C14orf93: variants seen among roughly 807,000 people sequenced by gnomAD.
C14orf93 encodes the protein chromosome 14 open reading frame 93.
A neutral mutation model predicts 44.0 loss-of-function variants in C14orf93; 23 were observed. The observed-to-expected ratio is 0.52, with a 90% CI of 0.38 to 0.74. C14orf93 has a LOEUF of 0.74. Ranked by LOEUF, C14orf93 falls within the 30% of genes least tolerant of loss-of-function variation. The pLI is 0.00. For synonymous variants in C14orf93, 253 were observed against 265.7 expected (o/e 0.95, Z 0.46); for missense variants, 579 against 678.9 (o/e 0.85, Z 1.64).
intron 3 of C14orf93, among the ~76,000 whole-genome samples, chr14:22,993,575 A>G (rs74039810): frequency 0.043 from 6,550 of 152,294 alleles, 469 homozygotes; most frequent in African/African-American, 0.15. Flanking sequence ...AAGGGGAAAG[A>G]AAAAAGGGAG....
At chr14:23,005,041 A>G (rs1594683546) in intron 1 of C14orf93, 1 of 152,222 alleles carries the variant, frequency 6.6e-6, no homozygotes, top group East Asian at 1.9e-4. Flanking sequence ...ACAAAATGAA[A>G]TCATACTGAG....
At chr14:23,000,148 C>T (rs2046217311) in intron 1 of C14orf93, 2 of 152,092 alleles carry the variant, frequency 1.3e-5, no homozygotes, top group Admixed American at 1.3e-4. Flanking sequence ...AAAGGAGAAA[C>T]CAGAATGTCA....
intron 3 of C14orf93, among the ~76,000 whole-genome samples, chr14:22,994,412 G>T (rs2045846971): frequency 6.6e-6 from 1 of 152,176 alleles, no homozygotes; most frequent in Admixed American, 6.5e-5. Context: ...TCGGGAGGGT[G>T]AGGCAGGAGA....
Position 22,986,727 on chromosome 14 carries a change from G to A in C14orf93, c.*488C>T, listed in dbSNP as rs919534595. ...GTGTTCCCTTGGTCAGAAGACTCAAGCTCATGACTGAAACTGCCCACCAGG... is the reference window on the plus strand; with the variant it reads ...GTGTTCCCTTGGTCAGAAGACTCAAACTCATGACTGAAACTGCCCACCAGG... On this transcript the variant is annotated 3_prime_UTR_variant, in exon 7 of 7. Transcript: ENST00000299088. The A allele has an allele frequency of 3.1e-5, 5 of 162,540 alleles. No individual in the cohort carries two copies. The highest frequency in any genetic ancestry group is 1.2e-4 in the African/African-American group (5 of 41,558). 10.1% of individuals were successfully genotyped at this position (162,540 alleles called of 1,614,324 possible). A position where few individuals can be genotyped will look rare whatever the true frequency, so the allele number is the denominator to read the frequency against.
chr14:23,000,973 T>G (rs1414116055), intron 1 of C14orf93: 1 of 152,190 alleles, frequency 6.6e-6, no homozygotes, highest in Non-Finnish European at 1.5e-5. Context: ...CGCAAAAGCT[T>G]AACTCAAATA....
rs1392285332 is a variant in C14orf93, at chr14:22,998,341, A to G, written c.597+86T>C. Reference sequence around the variant, plus strand: ...TCACAAATACAAACAAAAGGTTTAAAGATGGAAAGAAAAGAACAGAAAGGA... The same window carrying G: ...TCACAAATACAAACAAAAGGTTTAAGGATGGAAAGAAAAGAACAGAAAGGA... On this transcript the variant is annotated intron_variant, in intron 2 of 6. Transcript: ENST00000299088. 4.2e-6 allele frequency: 6 copies of G among 1,423,700 alleles called. No homozygotes were observed. In the East Asian group the frequency reaches 1.5e-4, roughly 36 times the overall value. 88.2% of individuals were successfully genotyped at this position (1,423,700 alleles called of 1,614,324 possible). A position where few individuals can be genotyped will look rare whatever the true frequency, so the allele number is the denominator to read the frequency against.
chr14:22,990,870 G>A (rs2045572938), intron 3 of C14orf93, among the ~76,000 whole-genome samples: 1 of 150,096 alleles, frequency 6.7e-6, no homozygotes, highest in African/African-American at 2.5e-5. Flanking sequence ...CCAGGCTGGA[G>A]TGCAGTGGCA....
chr14:22,998,329 C>A, intron 2 of C14orf93, 98 bp downstream of exon 2: 1 of 1,405,250 alleles, frequency 7.1e-7, no homozygotes, highest in Non-Finnish European at 9.3e-7. Context: ...CAAATACAAA[C>A]AAAAGGTTTA....
intron 1 of C14orf93, chr14:23,005,618 T>C (rs1029337381): frequency 6.6e-6 from 1 of 152,208 alleles, no homozygotes; most frequent in Non-Finnish European, 1.5e-5. Flanking sequence ...TCTTCAATCT[T>C]GGGATGCGTT....
intron 1 of C14orf93, chr14:23,000,230 AG>A (rs1006094714): frequency 1.3e-5 from 2 of 152,292 alleles, no homozygotes; most frequent in African/African-American, 4.8e-5. Context: ...AGAGAAAAAA[AG>A]GGGTAAAGAA....
chr14:23,003,875 TA>T (rs1566696512), intron 1 of C14orf93, among the ~76,000 whole-genome samples: 110 of 14,200 alleles, frequency 7.7e-3, no homozygotes, highest in Non-Finnish European at 0.013. Context: ...TATATATATA[TA>T]TATATATATA....
At chr14:22,999,908 C>G (rs1281338592) in intron 1 of C14orf93, 1 of 152,236 alleles carries the variant, frequency 6.6e-6, no homozygotes, top group Non-Finnish European at 1.5e-5. Context: ...GGGAATTGAG[C>G]TGGGGTAACC....
At chr14:23,007,309 C>G (rs944087719) in intron 1 of C14orf93, among the ~76,000 whole-genome samples, 3 of 152,224 alleles carry the variant, frequency 2.0e-5, no homozygotes, top group Non-Finnish European at 4.4e-5. Context: ...CAGGGAGGGA[C>G]AAGACTGTGA....
chr14:23,003,883 TATATATATATATA>T (rs1302294814), intron 1 of C14orf93, among the ~76,000 whole-genome samples: 258 of 16,998 alleles, frequency 0.015, 3 homozygotes, highest in Non-Finnish European at 0.022. Context: ...TATATATATA[TATATATATATATA>T]TATTTTTTTT....
chr14:23,008,464 A>T (rs1230363833), intron 1 of C14orf93, among the ~76,000 whole-genome samples: 1 of 152,186 alleles, frequency 6.6e-6, no homozygotes, highest in Non-Finnish European at 1.5e-5. Context: ...GTGTAATAGA[A>T]ATGCATTATT....
At chr14:22,988,449 G>A (rs1420817738) in intron 5 of C14orf93, among the ~76,000 whole-genome samples, 5 of 152,094 alleles carry the variant, frequency 3.3e-5, no homozygotes, top group Admixed American at 3.3e-4. Context: ...TCTTGGCATA[G>A]GCATTAGCAT....
intron 1 of C14orf93, among the ~76,000 whole-genome samples, chr14:23,008,274 C>G (rs2046735812): frequency 6.6e-6 from 1 of 151,746 alleles, no homozygotes; most frequent in Non-Finnish European, 1.5e-5. Flanking sequence ...CACAGTCGAG[C>G]CAGTATTTAT....
Position 22,989,779 on chromosome 14 carries a change from C to A in C14orf93, c.1047G>T (p.Val349=). 1 of 1,614,058 alleles carries A rather than the reference C, an allele frequency of 6.2e-7. No homozygotes were observed. Among genetic ancestry groups the A allele is most frequent in the South Asian group, 1.1e-5 (1 of 91,050 alleles). Residue 349 remains valine (V), a synonymous_variant, in exon 5 of 7, where the codon GTG becomes GTT. Transcript: ENST00000299088. ...FLLEKLKQEL[V]TSPHNYTDKE... ...TATCAGTGTAATTGTGGGGACTGGT[C>A]ACCAGCTCTTGCTTGAGCTTTTCCA...
rs1321353370 is a variant in C14orf93, at chr14:22,990,143, G to T, written c.919-16C>A. The T allele has an allele frequency of 7.5e-6, 12 of 1,606,558 alleles. No individual in the cohort carries two copies. Among genetic ancestry groups the T allele is most frequent in the Non-Finnish European group, 9.4e-6 (11 of 1,174,620 alleles). On this transcript the variant is annotated splice_polypyrimidine_tract_variant and intron_variant, in intron 3 of 6. Coordinates refer to ENST00000299088, the MANE Select transcript of C14orf93 (RefSeq NM_021944.4). ...GGACCAGTTTCTAGGAGGAAAAAAAGAAAACACAATCAAGCCAAGAGTGGA... is the reference window on the plus strand; with the variant it reads ...GGACCAGTTTCTAGGAGGAAAAAAATAAAACACAATCAAGCCAAGAGTGGA...
Sources: allele counts gnomAD v4.1 joint callset (sites outside exome capture counted in the v4.1 genomes callset), GRCh38; gene constraint gnomAD v4.1.1; transcripts MANE v1.5; gene names NCBI Gene and HGNC (gene_info 2026-07-23, HGNC 2026-07-21).